The following CACUL1 variants were observed in gnomAD, a reference collection of about 807,000 sequenced individuals.
The protein encoded by CACUL1 is CDK2 associated cullin domain 1.
CACUL1 carries 13 observed loss-of-function variants against 45.2 expected under a neutral mutation model. That is an observed-to-expected ratio of 0.29 (90% CI 0.19 to 0.46). CACUL1 has a LOEUF of 0.46. CACUL1 is among the 20% of genes least tolerant of loss of function. The pLI is 1.00. For missense variants in CACUL1, 421 were observed against 471.4 expected (o/e 0.89, Z 0.99); for synonymous variants, 197 against 174.2 (o/e 1.13, Z -1.03).
chr10:118,698,443 C>T (rs939885837), intron 5 of CACUL1, among the ~76,000 whole-genome samples: 2 of 152,140 alleles, frequency 1.3e-5, no homozygotes, highest in South Asian at 2.1e-4. Context: ...CGCGCCCAGC[C>T]GACATGCCTT....
At chr10:118,752,411 G>A (rs1316143526) in intron 1 of CACUL1, among the ~76,000 whole-genome samples, 1 of 152,054 alleles carries the variant, frequency 6.6e-6, no homozygotes, top group Non-Finnish European at 1.5e-5. Context: ...TGAGATAATC[G>A]TAATTTTTTT....
intron 1 of CACUL1, among the ~76,000 whole-genome samples, chr10:118,753,823 G>C (rs979007744): frequency 2.6e-5 from 4 of 152,132 alleles, no homozygotes; most frequent in African/African-American, 9.7e-5. Flanking sequence ...CCACTGCATC[G>C]GAAAGCAACT....
In CACUL1 at chr10:118,754,679, C is replaced by T. The variant is rs946266646; in HGVS notation, c.84G>A (p.Ala28=). The T allele has an allele frequency of 3.7e-6, 6 of 1,608,806 alleles. No homozygotes were observed. Among genetic ancestry groups the T allele is most frequent in the Middle Eastern group, 1.6e-4 (1 of 6,062 alleles). The change falls in exon 1 of 9, where the codon GCG becomes GCA. Residue 28 remains alanine, a synonymous_variant. Coordinates refer to ENST00000369151, the MANE Select transcript of CACUL1 (RefSeq NM_153810.5). ...GCAGGGGCTGCCGGAAGCCGTCCACCGCAGCCTCCCAGTTGTTGTGGTTCT... is the reference window on the plus strand; with the variant it reads ...GCAGGGGCTGCCGGAAGCCGTCCACTGCAGCCTCCCAGTTGTTGTGGTTCT... ...DDQNHNNWEA[A]VDGFRQPLPP... is the part of the protein sequence containing the mutation.
intron 3 of CACUL1, among the ~76,000 whole-genome samples, chr10:118,719,523 A>G (rs1259952807): frequency 1.3e-5 from 2 of 152,186 alleles, no homozygotes; most frequent in Non-Finnish European, 2.9e-5. Flanking sequence ...TAAAAATGGA[A>G]TTTCTTGGCC....
chr10:118,727,038 G>A (rs1845658156), intron 3 of CACUL1, among the ~76,000 whole-genome samples: 1 of 152,062 alleles, frequency 6.6e-6, no homozygotes. Context: ...GACATGTATT[G>A]ATTCTAAAAA....
rs1845141630 is a variant in CACUL1 at position 118,680,370 on chromosome 10, T to C, written c.*5758A>G. On this transcript the variant is annotated 3_prime_UTR_variant, in exon 9 of 9. Transcript: ENST00000369151. ...GGAGTGAAAATGGAAATTGTCAGAGTCACTGAATTCTGCCACATGTGATAA... is the reference window on the plus strand; with the variant it reads ...GGAGTGAAAATGGAAATTGTCAGAGCCACTGAATTCTGCCACATGTGATAA... 1 of 151,914 alleles carries C rather than the reference T, an allele frequency of 6.6e-6. No homozygotes were observed. Among genetic ancestry groups the C allele is most frequent in the African/African-American group, 2.4e-5 (1 of 41,330 alleles). The allele number at this position is 151,914 out of a possible 1,614,324, so 9.4% of individuals were successfully genotyped here.
chr10:118,719,742 C>A (rs975961868), intron 3 of CACUL1, among the ~76,000 whole-genome samples: 3 of 151,298 alleles, frequency 2.0e-5, no homozygotes, highest in Admixed American at 2.0e-4. Flanking sequence ...ATCCTGGAGG[C>A]GGAGGTTGCG....
chr10:118,722,531 T>C (rs1169502673), intron 3 of CACUL1, among the ~76,000 whole-genome samples: 1 of 152,194 alleles, frequency 6.6e-6, no homozygotes, highest in Non-Finnish European at 1.5e-5. Flanking sequence ...ACACTATCCA[T>C]CTGTCAGACA....
At chr10:118,691,118 G>A (rs1845261270) in intron 7 of CACUL1, 147 bp downstream of exon 7, 1 of 671,580 alleles carries the variant, frequency 1.5e-6, no homozygotes, top group South Asian at 2.0e-5. Context: ...CATTTCTACA[G>A]ACAAGGAGCT....
intron 4 of CACUL1, among the ~76,000 whole-genome samples, chr10:118,704,663 T>A (rs1845416838): frequency 6.6e-6 from 1 of 152,242 alleles, no homozygotes; most frequent in South Asian, 2.1e-4. Flanking sequence ...TTGAGTAGTG[T>A]CCTTGCTTTA....
chr10:118,700,847 G>T (rs1845372914), intron 5 of CACUL1, among the ~76,000 whole-genome samples: 2 of 152,098 alleles, frequency 1.3e-5, no homozygotes, highest in Admixed American at 1.3e-4. Context: ...GGCCACAAGA[G>T]GCAAAGACGT....
chr10:118,728,657 A>C (rs1379671643), intron 3 of CACUL1, among the ~76,000 whole-genome samples: 1 of 152,232 alleles, frequency 6.6e-6, no homozygotes, highest in Non-Finnish European at 1.5e-5. Flanking sequence ...GTGCAAAAGT[A>C]ACAGAGGTTT....
intron 4 of CACUL1, among the ~76,000 whole-genome samples, chr10:118,703,592 C>T (rs562418806): frequency 6.6e-6 from 1 of 152,066 alleles, no homozygotes; most frequent in Non-Finnish European, 1.5e-5. Context: ...CCTAGAGATA[C>T]AATTCTTGAG....
At chr10:118,689,857 T>C (rs1845244570) in intron 7 of CACUL1, among the ~76,000 whole-genome samples, 1 of 152,212 alleles carries the variant, frequency 6.6e-6, no homozygotes, top group African/African-American at 2.4e-5. Flanking sequence ...CAAAAAAGTT[T>C]TCAGAAGGCT....
At chr10:118,701,262 A>T in intron 5 of CACUL1, 44 bp downstream of exon 5, 2 of 1,061,012 alleles carry the variant, frequency 1.9e-6, no homozygotes, top group Non-Finnish European at 1.4e-6. Context: ...AAAAGGAAAG[A>T]TCATTGCTAG....
At chr10:118,738,892 T>TAAAAAAAAAAAAAAAAAAA (rs150393133) in intron 1 of CACUL1, among the ~76,000 whole-genome samples, 3 of 62,270 alleles carry the variant, frequency 4.8e-5, no homozygotes, top group African/African-American at 1.9e-4. Context: ...CAAGTGCTCT[T>TAAAAAAAAAAAAAAAAAAA]AAAAAAAAAA....
intron 7 of CACUL1, among the ~76,000 whole-genome samples, chr10:118,690,174 G>T (rs111679376): frequency 1.3e-5 from 2 of 151,792 alleles, no homozygotes; most frequent in African/African-American, 2.4e-5. Context: ...GGTGGCGGGC[G>T]CCTGTAGTCC....
At position 118,680,941 on chromosome 10, in the gene CACUL1, C is replaced by T. The variant is rs975613241; in HGVS notation, c.*5187G>A. 6.6e-6 allele frequency: 1 copy of T among 152,070 alleles called. No individual in the cohort carries two copies. Among genetic ancestry groups the T allele is most frequent in the African/African-American group, 2.4e-5 (1 of 41,396 alleles). The allele number at this position is 152,070 out of a possible 1,614,324, so 9.4% of individuals were successfully genotyped here. A position where few individuals can be genotyped will look rare whatever the true frequency, so the allele number is the denominator to read the frequency against. On this transcript the variant is annotated 3_prime_UTR_variant, in exon 9 of 9. Coordinates refer to ENST00000369151, the MANE Select transcript of CACUL1 (RefSeq NM_153810.5). ...AGTTCCAGTGAACCAGGTATTAAGG[C>T]CAAGGACATCTGTACAGGATTTATA...
intron 3 of CACUL1, among the ~76,000 whole-genome samples, chr10:118,723,770 A>G (rs1845623754): frequency 6.6e-6 from 1 of 152,030 alleles, no homozygotes; most frequent in Non-Finnish European, 1.5e-5. Flanking sequence ...GCAAATCAAG[A>G]CCACCATTTT....
Sources: allele counts gnomAD v4.1 joint callset (sites outside exome capture counted in the v4.1 genomes callset), GRCh38; gene constraint gnomAD v4.1.1; transcripts MANE v1.5; gene names NCBI Gene and HGNC (gene_info 2026-07-23, HGNC 2026-07-21).